The following PPP1R7 variants were observed in gnomAD, a reference collection of about 807,000 sequenced individuals.
The protein encoded by PPP1R7 is protein phosphatase 1 regulatory subunit 7.
In PPP1R7, 18 loss-of-function variants were observed where a neutral mutation model predicts 45.2. The ratio of observed to expected loss-of-function variants is 0.40; its 90% confidence interval spans 0.28 to 0.59. The LOEUF (loss-of-function observed/expected upper bound fraction) is 0.59, where lower values mean the gene tolerates loss of function less well. Among genes scored for constraint, PPP1R7 ranks in the 20% least tolerant of loss-of-function variants. PPP1R7 has a pLI of 0.46. For missense variants in PPP1R7, 314 were observed against 455.8 expected, an observed-to-expected ratio of 0.69 and a Z score of 2.83; for synonymous variants, 181 against 183.4, an observed-to-expected ratio of 0.99 and a Z score of 0.11.
intron 9 of PPP1R7, among the ~76,000 whole-genome samples, chr2:241,170,901 A>G (rs2067803483): frequency 6.6e-6 from 1 of 152,176 alleles, no homozygotes; most frequent in Non-Finnish European, 1.5e-5. Context: ...CAATGAGTCC[A>G]GGTGGGTCTA....
intron 9 of PPP1R7, among the ~76,000 whole-genome samples, chr2:241,177,027 T>C (rs2067920141): frequency 6.6e-6 from 1 of 152,176 alleles, no homozygotes; most frequent in Admixed American, 6.5e-5. Flanking sequence ...GGTCAGGAGT[T>C]TGAGACTAGT....
chr2:241,152,416 T>A (rs922011252), intron 1 of PPP1R7, among the ~76,000 whole-genome samples: 6 of 152,194 alleles, frequency 3.9e-5, no homozygotes, highest in Non-Finnish European at 1.5e-5. Context: ...GCAAGACAAG[T>A]CACAGAGACG....
rs1444125689 is a variant in PPP1R7 at position 241,169,777 on chromosome 2, T to G, written c.820-4T>G. On this transcript the variant is annotated splice_polypyrimidine_tract_variant and splice_region_variant and intron_variant, in intron 8 of 9. Coordinates refer to ENST00000234038, the MANE Select transcript of PPP1R7 (RefSeq NM_002712.3). Reference sequence around the variant, plus strand: ...CCAGGAAACATTTTATTTCCTTCTTTTAGAACAAACTCACGATGTTGGACA... The same window carrying G: ...CCAGGAAACATTTTATTTCCTTCTTGTAGAACAAACTCACGATGTTGGACA... 1 of 1,603,086 alleles carries G rather than the reference T, an allele frequency of 6.2e-7. No individual in the cohort carries two copies. Among genetic ancestry groups the G allele is most frequent in the Admixed American group, 1.7e-5 (1 of 59,986 alleles).
upstream of PPP1R7, chr2:241,150,069 G>C: frequency 7.7e-7 from 1 of 1,296,434 alleles, no homozygotes; most frequent in Non-Finnish European, 9.8e-7. Context: ...ACGTAGGACT[G>C]GCCCGCACCT....
intron 6 of PPP1R7, 133 bp from the exon 7 acceptor site, chr2:241,163,152 C>G: frequency 1.5e-6 from 1 of 657,970 alleles, no homozygotes; most frequent in Middle Eastern, 3.0e-4. Flanking sequence ...CACTGGAAGT[C>G]TTAGCAGATA....
chr2:241,159,370 AG>A lies in PPP1R7; in HGVS notation c.434+28del, dbSNP rs763388252. Reference sequence around the variant, plus strand: ...TGAGTCATGAGACCCACAGGAGAACAGCATGGTGGGAAGGCCACTGGGTGGG... The same window carrying A: ...TGAGTCATGAGACCCACAGGAGAACACATGGTGGGAAGGCCACTGGGTGGG... On this transcript the variant is annotated intron_variant, in intron 5 of 9. Coordinates refer to ENST00000234038, the MANE Select transcript of PPP1R7 (RefSeq NM_002712.3). The A allele has an allele frequency of 3.1e-4, 506 of 1,608,734 alleles. 3 individuals carry two copies. The highest frequency in any genetic ancestry group is 1.7e-4 in the Non-Finnish European group (195 of 1,176,950).
At chr2:241,157,696 T>C in intron 2 of PPP1R7, 111 bp from the exon 3 acceptor site, 2 of 1,044,302 alleles carry the variant, frequency 1.9e-6, no homozygotes, top group Non-Finnish European at 2.9e-6. Context: ...TCCTCGGGGT[T>C]TGAGCTGGCT....
chr2:241,152,689 A>G (rs1049248180), intron 1 of PPP1R7, among the ~76,000 whole-genome samples: 15 of 152,250 alleles, frequency 9.9e-5, no homozygotes, highest in African/African-American at 3.6e-4. Context: ...AGTATGGTTG[A>G]TAATTCCAAG....
intron 1 of PPP1R7, 74 bp from the exon 2 acceptor site, chr2:241,153,402 A>G (rs189934277): frequency 1.2e-4 from 182 of 1,572,238 alleles, no homozygotes; most frequent in Non-Finnish European, 1.5e-4. Flanking sequence ...TTGACTTACA[A>G]CCGGGTGTTT....
At chr2:241,171,970 C>T (rs1009787226) in intron 9 of PPP1R7, among the ~76,000 whole-genome samples, 6 of 152,166 alleles carry the variant, frequency 3.9e-5, no homozygotes, top group Admixed American at 2.6e-4. Flanking sequence ...CTAGATCTTG[C>T]TTTCTTCTCC....
At chr2:241,178,379 G>T (rs2067942505) in intron 9 of PPP1R7, among the ~76,000 whole-genome samples, 1 of 151,660 alleles carries the variant, frequency 6.6e-6, no homozygotes, top group Non-Finnish European at 1.5e-5. Flanking sequence ...TTAACTTATA[G>T]AGATTCTATC....
At chr2:241,162,159 C>T (rs1358192365) in intron 6 of PPP1R7, among the ~76,000 whole-genome samples, 3 of 152,186 alleles carry the variant, frequency 2.0e-5, no homozygotes, top group African/African-American at 7.2e-5. Context: ...TACCAAGTGT[C>T]TCACTATGGA....
chr2:241,158,513 G>A lies in PPP1R7; in HGVS notation c.267G>A (p.Gly89=). The A allele has an allele frequency of 6.2e-7, 1 of 1,614,136 alleles. No individual in the cohort carries two copies. Among genetic ancestry groups the A allele is most frequent in the Non-Finnish European group, 8.5e-7 (1 of 1,179,958 alleles). The change falls in exon 4 of 10, where the codon GGG becomes GGA. Residue 89 remains glycine (G), a synonymous_variant. Transcript: ENST00000234038. The stretch of plus-strand genomic sequence containing the variant: ...TTGATTTGAATCACTATCGCATAGG[G>A]AAGATTGAAGGATTTGAGGTACTGA... ...EDVDLNHYRI[G]KIEGFEVLKK...
intron 3 of PPP1R7, 110 bp from the exon 4 acceptor site, chr2:241,158,374 C>T (rs2067507979): frequency 1.0e-6 from 1 of 968,414 alleles, no homozygotes; most frequent in East Asian, 2.4e-5. Flanking sequence ...TGCAGACCCA[C>T]CTGGCACTGC....
chr2:241,166,460 G>A lies in PPP1R7; in HGVS notation c.819+19G>A. The A allele has an allele frequency of 1.2e-6, 2 of 1,609,230 alleles. No homozygotes were observed. Among genetic ancestry groups the A allele is most frequent in the Non-Finnish European group, 1.7e-6 (2 of 1,176,562 alleles). On this transcript the variant is annotated intron_variant, in intron 8 of 9. Transcript: ENST00000234038. ...GAACAATGTAAGACACCCACTGTCTGTCTGGGGCTGTGTGGGCGGTGGGCA... is the reference window on the plus strand; with the variant it reads ...GAACAATGTAAGACACCCACTGTCTATCTGGGGCTGTGTGGGCGGTGGGCA...
Position 241,157,944 on chromosome 2 carries a change from T to C in PPP1R7, c.237+82T>C, listed in dbSNP as rs2067496992. 5 of 1,458,006 alleles carry C rather than the reference T, an allele frequency of 3.4e-6. No homozygotes were observed. The Admixed American group carries it at 8.8e-5, about 26-fold the overall frequency. 90.3% of individuals were successfully genotyped at this position (1,458,006 alleles called of 1,614,324 possible). A position where few individuals can be genotyped will look rare whatever the true frequency, so the allele number is the denominator to read the frequency against. ...TATCTTGTATGAGATTAGTAAGTTA[T>C]TTCCCTAGAGAGGTGGCCTAAGCCT... On this transcript the variant is annotated intron_variant, in intron 3 of 9. Coordinates refer to ENST00000234038, the MANE Select transcript of PPP1R7 (RefSeq NM_002712.3).
At chr2:241,157,950 TAG>T (rs2067497146) in intron 3 of PPP1R7, 88 bp downstream of exon 3, 1 of 1,411,170 alleles carries the variant, frequency 7.1e-7, no homozygotes, top group African/African-American at 1.4e-5. Flanking sequence ...GTTATTTCCC[TAG>T]AGAGGTGGCC....
rs768433089 is a variant in PPP1R7 at position 241,182,828 on chromosome 2, T to A, written c.*5T>A. On this transcript the variant is annotated 3_prime_UTR_variant, in exon 10 of 10. Transcript: ENST00000234038. ...GCCACGTTCGTCAGGTTCTGAGTCC[T>A]TCTTGGCTCCTCATGTGGTCCCTCT... 82 of 1,606,300 alleles carry A rather than the reference T, an allele frequency of 5.1e-5. No homozygotes were observed. The highest frequency in any genetic ancestry group is 6.5e-5 in the Non-Finnish European group (76 of 1,173,498).
chr2:241,149,895 C>G (rs988487502), upstream of PPP1R7: 1 of 1,441,062 alleles, frequency 6.9e-7, no homozygotes, highest in Non-Finnish European at 9.1e-7. Context: ...AGCGGCCCCA[C>G]CAGCGCAAGT....
Sources: allele counts gnomAD v4.1 joint callset (sites outside exome capture counted in the v4.1 genomes callset), GRCh38; gene constraint gnomAD v4.1.1; transcripts MANE v1.5; gene names NCBI Gene and HGNC (gene_info 2026-07-23, HGNC 2026-07-21).